Variants in PRKCE observed in about 807,000 individuals in gnomAD.
PRKCE encodes protein kinase C epsilon.
A neutral mutation model predicts 85.4 loss-of-function variants in PRKCE; 16 were observed. That is an observed-to-expected ratio of 0.19 (90% confidence interval 0.13 to 0.28). The LOEUF (loss-of-function observed/expected upper bound fraction) is 0.28, where lower values mean the gene tolerates loss of function less well. Ranked by LOEUF, PRKCE falls within the 10% of genes least tolerant of loss-of-function variation. The pLI, the probability that PRKCE is intolerant of heterozygous loss-of-function variation, is 1.00. For missense variants in PRKCE, 573 were observed against 975.2 expected, an observed-to-expected ratio of 0.59 and a Z score of 5.49; for synonymous variants, 388 against 371.5, an observed-to-expected ratio of 1.04 and a Z score of -0.51.
At chr2:46,130,276 T>C (rs1336483302) in intron 11 of PRKCE, among the ~76,000 whole-genome samples, 1 of 152,056 alleles carries the variant, frequency 6.6e-6, no homozygotes, top group African/African-American at 2.4e-5. Flanking sequence ...TATATGTATA[T>C]ATTATACCAC....
intron 2 of PRKCE, among the ~76,000 whole-genome samples, chr2:45,910,415 C>T (rs775432793): frequency 6.6e-6 from 1 of 152,168 alleles, no homozygotes; most frequent in Non-Finnish European, 1.5e-5. Flanking sequence ...CATCCGTGTC[C>T]ACAATCATGT....
At chr2:45,863,609 A>G (rs1407163862) in intron 2 of PRKCE, among the ~76,000 whole-genome samples, 1 of 152,136 alleles carries the variant, frequency 6.6e-6, no homozygotes, top group African/African-American at 2.4e-5. Flanking sequence ...TTTTAGTAGT[A>G]GAAATAGGCG....
chr2:45,924,265 C>T (rs761960239), intron 2 of PRKCE, among the ~76,000 whole-genome samples: 2 of 152,128 alleles, frequency 1.3e-5, no homozygotes, highest in East Asian at 1.9e-4. Context: ...GGGAAAGAGA[C>T]GTATTTTTGT....
intron 10 of PRKCE, among the ~76,000 whole-genome samples, chr2:46,036,534 G>A (rs1398979552): frequency 2.6e-5 from 4 of 152,172 alleles, no homozygotes; most frequent in East Asian, 1.9e-4. Flanking sequence ...GGACTGCAGT[G>A]AGCCATGATC....
At chr2:45,941,487 G>A (rs1034603251) in intron 2 of PRKCE, among the ~76,000 whole-genome samples, 1 of 152,178 alleles carries the variant, frequency 6.6e-6, no homozygotes, top group African/African-American at 2.4e-5. Flanking sequence ...AGGCACGGAC[G>A]GATGTTTATA....
chr2:45,793,466 G>T (rs1339710076), intron 1 of PRKCE, among the ~76,000 whole-genome samples: 3 of 152,162 alleles, frequency 2.0e-5, no homozygotes, highest in African/African-American at 4.8e-5. Flanking sequence ...GAGCTGACAG[G>T]TGTTCTATCT....
At chr2:45,917,909 G>T (rs1048775850) in intron 2 of PRKCE, among the ~76,000 whole-genome samples, 3 of 120,242 alleles carry the variant, frequency 2.5e-5, no homozygotes, top group Admixed American at 8.6e-5. Flanking sequence ...GCAGCCGCTG[G>T]CCCGGTGCTA....
chr2:46,050,659 C>G (rs778772535), intron 10 of PRKCE, among the ~76,000 whole-genome samples: 16 of 152,164 alleles, frequency 1.1e-4, no homozygotes, highest in Non-Finnish European at 1.8e-4. Flanking sequence ...TAATGAGGTT[C>G]TAAAGGTAAA....
At chr2:45,990,692 T>C (rs1045930906) in intron 6 of PRKCE, among the ~76,000 whole-genome samples, 3 of 151,858 alleles carry the variant, frequency 2.0e-5, no homozygotes, top group African/African-American at 7.3e-5. Context: ...TCTCGCTCTG[T>C]TGCCCAGGCT....
At chr2:45,806,483 C>T (rs1688252282) in intron 1 of PRKCE, among the ~76,000 whole-genome samples, 1 of 152,212 alleles carries the variant, frequency 6.6e-6, no homozygotes, top group South Asian at 2.1e-4. Context: ...AGATCAGCGG[C>T]ATTAAGTCCG....
chr2:46,140,919 C>T (rs1675455142), intron 11 of PRKCE, among the ~76,000 whole-genome samples: 1 of 152,052 alleles, frequency 6.6e-6, no homozygotes, highest in African/African-American at 2.4e-5. Flanking sequence ...AAAACATGCT[C>T]GAACTTACAG....
At chr2:46,074,813 G>A (rs1365386012) in intron 10 of PRKCE, among the ~76,000 whole-genome samples, 1 of 152,178 alleles carries the variant, frequency 6.6e-6, no homozygotes. Flanking sequence ...GATCTACAAG[G>A]GGTGTTTTGA....
In PRKCE at chr2:45,763,368, G is replaced by C. The variant is rs185937456; in HGVS notation, c.349-79632G>C. Among the ~76,000 whole-genome samples, 8 of 152,288 alleles carry C rather than the reference G, an allele frequency of 5.3e-5. No individual in the cohort carries two copies. The East Asian group carries it at 1.5e-3, about 29-fold the overall frequency. ...GAACTTTTCAGTAAAAAACAGCAGA[G>C]ACCTGTCTAGTGGATGATTAAGCCT... On this transcript the variant is annotated intron_variant, in intron 1 of 14. Coordinates refer to ENST00000306156, the MANE Select transcript of PRKCE (RefSeq NM_005400.3).
At chr2:45,747,474 G>A (rs1007547370) in intron 1 of PRKCE, among the ~76,000 whole-genome samples, 21 of 152,170 alleles carry the variant, frequency 1.4e-4, no homozygotes, top group African/African-American at 4.6e-4. Flanking sequence ...GTCCTTTTGT[G>A]ACTGGCTTGT....
At chr2:45,719,911 AAG>A (rs1680472688) in intron 1 of PRKCE, among the ~76,000 whole-genome samples, 1 of 152,070 alleles carries the variant, frequency 6.6e-6, no homozygotes, top group Non-Finnish European at 1.5e-5. Flanking sequence ...GTGAGAGAAA[AAG>A]ACCCTGTCTC....
At chr2:45,942,050 A>C (rs550796359) in intron 2 of PRKCE, among the ~76,000 whole-genome samples, 2 of 152,358 alleles carry the variant, frequency 1.3e-5, no homozygotes, top group South Asian at 4.1e-4. Context: ...AATTGCTGTT[A>C]TGAATTTGTT....
At chr2:45,761,425 T>G (rs377588554) in intron 1 of PRKCE, among the ~76,000 whole-genome samples, 6 of 152,218 alleles carry the variant, frequency 3.9e-5, no homozygotes, top group South Asian at 4.2e-4. Flanking sequence ...TGCCATGTGT[T>G]AAGTATTTGC....
intron 1 of PRKCE, among the ~76,000 whole-genome samples, chr2:45,726,578 C>G (rs1344745261): frequency 6.6e-6 from 1 of 152,150 alleles, no homozygotes; most frequent in African/African-American, 2.4e-5. Context: ...ACACAATAGA[C>G]TACATATAGT....
intron 2 of PRKCE, among the ~76,000 whole-genome samples, chr2:45,954,159 G>C (rs1003725355): frequency 2.0e-5 from 3 of 152,328 alleles, no homozygotes; most frequent in South Asian, 4.1e-4. Flanking sequence ...CAGGGACTTT[G>C]TGTGGCCCTA....
Sources: allele counts gnomAD v4.1 joint callset (sites outside exome capture counted in the v4.1 genomes callset), GRCh38; gene constraint gnomAD v4.1.1; transcripts MANE v1.5; gene names NCBI Gene and HGNC (gene_info 2026-07-23, HGNC 2026-07-21).